BMPR1A: variants seen among roughly 807,000 people sequenced by gnomAD.
BMPR1A encodes the protein bone morphogenetic protein receptor type-1A.
In BMPR1A, 7 loss-of-function variants were observed where a neutral mutation model predicts 66.0. The ratio of observed to expected loss-of-function variants is 0.11; its 90% CI spans 0.06 to 0.20. The LOEUF (loss-of-function observed/expected upper bound fraction) is 0.20. BMPR1A is among the 10% of genes least tolerant of loss of function. The pLI, the probability that BMPR1A is intolerant of heterozygous loss-of-function variation, is 1.00. For missense variants in BMPR1A, 408 were observed against 669.1 expected, an observed-to-expected ratio of 0.61 and a Z score of 4.31; for synonymous variants, 200 against 229.7, an observed-to-expected ratio of 0.87 and a Z score of 1.17.
intron 5 of BMPR1A, among the ~76,000 whole-genome samples, chr10:86,893,287 T>C (rs1843179320): frequency 6.6e-6 from 1 of 152,168 alleles, no homozygotes; most frequent in South Asian, 2.1e-4. Context: ...TGGAGCTCTT[T>C]AAAAGCAGCA....
intron 1 of BMPR1A, among the ~76,000 whole-genome samples, chr10:86,785,325 A>C (rs984972759): frequency 6.6e-6 from 1 of 152,008 alleles, no homozygotes; most frequent in African/African-American, 2.4e-5. Flanking sequence ...TGTTTTTGAG[A>C]TGGAGTTTCC....
chr10:86,794,465 G>C (rs945774998), intron 1 of BMPR1A, among the ~76,000 whole-genome samples: 1 of 152,126 alleles, frequency 6.6e-6, no homozygotes, highest in African/African-American at 2.4e-5. Context: ...CAATCTTTTT[G>C]TGTCTGTCTC....
intron 3 of BMPR1A, among the ~76,000 whole-genome samples, chr10:86,887,689 C>T (rs924266953): frequency 1.6e-4 from 24 of 152,198 alleles, no homozygotes; most frequent in Admixed American, 3.9e-4. Flanking sequence ...TTCTGTGTCA[C>T]TAGATTTTTG....
In BMPR1A at chr10:86,917,254, A is replaced by G. The variant is rs1273972467; in HGVS notation, c.796A>G (p.Thr266Ala). 5 of 1,613,984 alleles carry G rather than the reference A, an allele frequency of 3.1e-6. No individual in the cohort carries two copies. The highest frequency in any genetic ancestry group is 1.1e-5 in the South Asian group (1 of 91,054). ...AGTGGCGGTGAAAGTATTCTTTACC[A>G]CTGAAGAAGCCAGCTGGTTTCGAGA... ...EKVAVKVFFTTEEASWFRETE... is the reference protein window; with the variant it reads ...EKVAVKVFFTAEEASWFRETE... The change falls in exon 9 of 13, where the codon ACT becomes GCT. Residue 266 changes from threonine to alanine, a missense_variant. Physicochemically the swap from Thr to Ala is moderately conservative, Grantham distance 58. Around this residue, in one of 5 missense-constraint regions of BMPR1A, gnomAD observed 174 missense variants for 265.1 expected, o/e 0.66. Transcript: ENST00000372037.
rs566711577 is a variant in BMPR1A, at chr10:86,797,749, A to C, written c.-268+40830A>C. 2.4e-4 allele frequency among the ~76,000 whole-genome samples: 36 copies of C among 152,256 alleles called. No homozygotes were observed. The East Asian group carries it at 6.8e-3, about 29-fold the overall frequency. On this transcript the variant is annotated intron_variant, in intron 1 of 12. Transcript: ENST00000372037. ...TTTCTTCTGTACTTCTGTGTGTTCA[A>C]ATATGGACCTTGTTCCAAAAAGGTC...
At chr10:86,852,875 A>G (rs1489062950) in intron 2 of BMPR1A, among the ~76,000 whole-genome samples, 5 of 152,328 alleles carry the variant, frequency 3.3e-5, no homozygotes, top group African/African-American at 9.6e-5. Flanking sequence ...GCACAGAGAG[A>G]AACTTATCCA....
At position 86,779,840 on chromosome 10, in the gene BMPR1A, G is replaced by C. The variant is rs115985691; in HGVS notation, c.-268+22921G>C. Among the ~76,000 whole-genome samples the C allele has an allele frequency of 4.2e-3, 637 of 152,254 alleles. 7 individuals carry two copies. The highest frequency in any genetic ancestry group is 0.015 in the African/African-American group (603 of 41,546). ...TTGTCTCAAATTCCTGGCCTTCAGC[G>C]ATCTTTCAGCATCAGCCTCCCAAAG... On this transcript the variant is annotated intron_variant, in intron 1 of 12. Coordinates refer to ENST00000372037, the MANE Select transcript of BMPR1A (RefSeq NM_004329.3).
chr10:86,846,075 C>T (rs565080210), intron 2 of BMPR1A, among the ~76,000 whole-genome samples: 11 of 152,064 alleles, frequency 7.2e-5, no homozygotes, highest in Non-Finnish European at 1.5e-4. Flanking sequence ...ACCACTGCAG[C>T]TGGTCCTGAG....
At chr10:86,826,570 G>A (rs1428966631) in intron 1 of BMPR1A, among the ~76,000 whole-genome samples, 1 of 151,902 alleles carries the variant, frequency 6.6e-6, no homozygotes, top group Non-Finnish European at 1.5e-5. Flanking sequence ...TATATAAGCA[G>A]TCCCACAATT....
At chr10:86,804,792 G>T (rs199674267) in intron 1 of BMPR1A, among the ~76,000 whole-genome samples, 651 of 57,174 alleles carry the variant, frequency 0.011, 11 homozygotes, top group Middle Eastern at 0.038. Context: ...GTTTGTAGGT[G>T]TTTTTTTTTT....
intron 7 of BMPR1A, among the ~76,000 whole-genome samples, chr10:86,901,246 A>AC (rs1843305585): frequency 6.6e-6 from 1 of 152,186 alleles, no homozygotes; most frequent in African/African-American, 2.4e-5. Context: ...CTGACATCTG[A>AC]CCCTGAGCTA....
At chr10:86,898,886 A>G (rs953761954) in intron 5 of BMPR1A, among the ~76,000 whole-genome samples, 1 of 152,222 alleles carries the variant, frequency 6.6e-6, no homozygotes, top group Non-Finnish European at 1.5e-5. Context: ...ATCATTTAAA[A>G]GTAAAAATTG....
At chr10:86,931,298 C>CACACACATATATATAT, downstream of BMPR1A, 5 of 90,926 alleles carry the variant, frequency 5.5e-5, no homozygotes, top group East Asian at 9.0e-4. Context: ...CACACACACA[C>CACACACATATATATAT]ATATATATAT....
intron 8 of BMPR1A, among the ~76,000 whole-genome samples, chr10:86,912,600 A>G (rs1205392692): frequency 2.0e-5 from 3 of 152,222 alleles, no homozygotes; most frequent in Admixed American, 2.0e-4. Flanking sequence ...ATAGAGCTAT[A>G]AACCAGGTTA....
intron 1 of BMPR1A, among the ~76,000 whole-genome samples, chr10:86,838,621 G>A (rs1191529416): frequency 6.9e-6 from 1 of 144,820 alleles, no homozygotes; most frequent in East Asian, 2.0e-4. Flanking sequence ...CAAAGCTTAA[G>A]ATAACATAGG....
intron 5 of BMPR1A, among the ~76,000 whole-genome samples, chr10:86,896,970 T>C (rs1266191448): frequency 6.6e-6 from 1 of 152,214 alleles, no homozygotes; most frequent in Non-Finnish European, 1.5e-5. Flanking sequence ...TTCCCCAGTG[T>C]CTTCACGCAC....
chr10:86,873,183 A>C (rs536417783), intron 2 of BMPR1A, among the ~76,000 whole-genome samples: 1 of 152,282 alleles, frequency 6.6e-6, no homozygotes, highest in African/African-American at 2.4e-5. Context: ...GAAAGATGTA[A>C]CAAGGCATAG....
rs1371050085 is a variant in BMPR1A at position 86,927,917 on chromosome 10, T to C, written c.*4198T>C. 5.4e-6 allele frequency: 1 copy of C among 185,772 alleles called. No homozygotes were observed. The highest frequency in any genetic ancestry group is 6.2e-5 in the Admixed American group (1 of 16,128). 11.5% of individuals were successfully genotyped at this position (185,772 alleles called of 1,614,324 possible). On this transcript the variant is annotated 3_prime_UTR_variant, in exon 13 of 13. Transcript: ENST00000372037. ...TTACCATTACTTGCTTTGTTCTATA[T>C]ACAGATTATGTCCAATGTATCATTT... is the stretch of plus-strand genomic sequence containing the variant.
chr10:86,879,610 T>C (rs1842961727), intron 3 of BMPR1A, among the ~76,000 whole-genome samples: 1 of 152,208 alleles, frequency 6.6e-6, no homozygotes. Flanking sequence ...AAAATGCTCA[T>C]GTTGCTATGA....
Sources: allele counts gnomAD v4.1 joint callset (sites outside exome capture counted in the v4.1 genomes callset), GRCh38; gene constraint gnomAD v4.1.1; regional missense constraint gnomAD v4.1.1; transcripts MANE v1.5; gene names NCBI Gene and HGNC (gene_info 2026-07-23, HGNC 2026-07-21).